LARP1: variants seen among roughly 807,000 people sequenced by gnomAD.
The protein encoded by LARP1 is La ribonucleoprotein 1, translational regulator.
In LARP1, 36 loss-of-function variants were observed where a neutral mutation model predicts 122.7. That is an observed-to-expected ratio of 0.29 (90% confidence interval 0.22 to 0.39). LARP1 has a LOEUF of 0.39. Ranked by LOEUF, LARP1 falls within the 10% of genes least tolerant of loss-of-function variation. The probability of loss-of-function intolerance (pLI) is 1.00; values close to 1 mark genes in which losing one functional copy is unlikely to be tolerated. For missense variants in LARP1, 1,040 were observed against 1,403.6 expected (o/e 0.74, Z 4.14); for synonymous variants, 539 against 528.7 (o/e 1.02, Z -0.27).
chr5:154,796,190 A>T lies in LARP1; in HGVS notation c.1377+871A>T, dbSNP rs933951314. 1.7e-3 allele frequency among the ~76,000 whole-genome samples: 224 copies of T among 129,872 alleles called. 1 individual carries two copies. The highest frequency in any genetic ancestry group is 1.4e-3 in the Non-Finnish European group (89 of 64,032). 85.2% of individuals were successfully genotyped at this position (129,872 alleles called of 152,430 possible). ...TATTTATATATTATATATATATTTT[A>T]TATATATATATAGTTTGTGAGAATC... On this transcript the variant is annotated intron_variant, in intron 8 of 18. Transcript: ENST00000518297.
At chr5:154,762,762 C>T (rs1754564988) in intron 1 of LARP1, among the ~76,000 whole-genome samples, 2 of 152,158 alleles carry the variant, frequency 1.3e-5, no homozygotes, top group Admixed American at 1.3e-4. Flanking sequence ...GTGGTAACCA[C>T]CTTACTCTCA....
intron 1 of LARP1, among the ~76,000 whole-genome samples, chr5:154,717,021 C>T (rs1042624301): frequency 6.7e-6 from 1 of 149,238 alleles, no homozygotes; most frequent in Non-Finnish European, 1.5e-5. Context: ...GATCAAGCTG[C>T]TGTACTCCAG....
At chr5:154,771,659 G>GC (rs777710850) in intron 1 of LARP1, among the ~76,000 whole-genome samples, 4 of 152,326 alleles carry the variant, frequency 2.6e-5, no homozygotes, top group Non-Finnish European at 4.4e-5. Flanking sequence ...CAGCCTAGAC[G>GC]CCTCAACTCT....
chr5:154,700,865 G>C (rs949477252), intron 1 of LARP1, among the ~76,000 whole-genome samples: 1 of 152,076 alleles, frequency 6.6e-6, no homozygotes, highest in African/African-American at 2.4e-5. Context: ...GCTGAGGCAG[G>C]AGAATCGCTT....
intron 1 of LARP1, among the ~76,000 whole-genome samples, chr5:154,771,154 G>A (rs1224695321): frequency 6.6e-6 from 1 of 151,634 alleles, no homozygotes; most frequent in African/African-American, 2.4e-5. Flanking sequence ...GTGCTGTCAA[G>A]TGCAGTGCTT....
intron 1 of LARP1, among the ~76,000 whole-genome samples, chr5:154,714,856 G>T (rs1211876198): frequency 1.3e-5 from 2 of 152,184 alleles, no homozygotes; most frequent in African/African-American, 2.4e-5. Context: ...GTGCGTATAC[G>T]CATGTGTGCA....
Position 154,803,257 on chromosome 5 carries a change from C to A in LARP1, c.2110-33C>A. 1.2e-6 allele frequency: 2 copies of A among 1,614,074 alleles called. No individual in the cohort carries two copies. Among genetic ancestry groups the A allele is most frequent in the Non-Finnish European group, 1.7e-6 (2 of 1,179,950 alleles). On this transcript the variant is annotated intron_variant, in intron 11 of 18. Transcript: ENST00000518297. The surrounding 1 kb of genome is among the most constrained non-coding windows in gnomAD (Gnocchi z 4.4). Reference sequence around the variant, plus strand: ...CAGGCTAGAGCAGCCTGCTTACTTACATCTTTCCCCACTCATCTCATGACC... The same window carrying A: ...CAGGCTAGAGCAGCCTGCTTACTTAAATCTTTCCCCACTCATCTCATGACC...
intron 1 of LARP1, among the ~76,000 whole-genome samples, chr5:154,726,184 A>G (rs1756206554): frequency 6.6e-6 from 1 of 152,188 alleles, no homozygotes; most frequent in African/African-American, 2.4e-5. Flanking sequence ...GCAACACCCT[A>G]GGAGTAGAGG....
chr5:154,792,830 G>T, intron 4 of LARP1, 34 bp downstream of exon 4: 1 of 1,606,074 alleles, frequency 6.2e-7, no homozygotes. Context: ...GGGAGAAGGT[G>T]GCAGGGTAGA....
intron 1 of LARP1, among the ~76,000 whole-genome samples, chr5:154,744,464 A>G (rs1003034551): frequency 1.3e-5 from 2 of 152,034 alleles, no homozygotes; most frequent in Non-Finnish European, 2.9e-5. Context: ...GCTCACTAGT[A>G]TTTGCTGGGC....
At chr5:154,693,733 G>GT (rs1754333766) in intron 1 of LARP1, among the ~76,000 whole-genome samples, 1 of 151,964 alleles carries the variant, frequency 6.6e-6, no homozygotes, top group Non-Finnish European at 1.5e-5. Flanking sequence ...GCGGGCTCCT[G>GT]TAGTCCCAGC....
intron 1 of LARP1, among the ~76,000 whole-genome samples, chr5:154,774,574 C>T (rs975519353): frequency 1.3e-5 from 2 of 152,186 alleles, no homozygotes; most frequent in African/African-American, 4.8e-5. Flanking sequence ...GTTGGTACTA[C>T]CTTTGGGAAG....
At position 154,755,702 on chromosome 5, in the gene LARP1, A is replaced by C; in HGVS notation, c.-56A>C. The C allele has an allele frequency of 2.0e-6, 2 of 987,234 alleles. No homozygotes were observed. Among genetic ancestry groups the C allele is most frequent in the Non-Finnish European group, 2.4e-6 (2 of 830,218 alleles). The allele number at this position is 987,234 out of a possible 1,614,324, so 61.2% of individuals were successfully genotyped here. A position where few individuals can be genotyped will look rare whatever the true frequency, so the allele number is the denominator to read the frequency against. Reference sequence around the variant, plus strand: ...GCGGGCGCTCTGCTAGCCAAGTTCGAGGCGGGGGAGGCAGCCTCGGGCGCG... The same window carrying C: ...GCGGGCGCTCTGCTAGCCAAGTTCGCGGCGGGGGAGGCAGCCTCGGGCGCG... On this transcript the variant is annotated 5_prime_UTR_variant, in exon 1 of 19. Coordinates refer to ENST00000518297, the MANE Select transcript of LARP1 (RefSeq NM_033551.3).
At chr5:154,701,276 C>T (rs980775094) in intron 1 of LARP1, among the ~76,000 whole-genome samples, 1 of 152,208 alleles carries the variant, frequency 6.6e-6, no homozygotes, top group Non-Finnish European at 1.5e-5. Flanking sequence ...CCCTCCAGAT[C>T]CTATCACTTC....
At chr5:154,699,590 A>C (rs1404682408) in intron 1 of LARP1, among the ~76,000 whole-genome samples, 1 of 152,208 alleles carries the variant, frequency 6.6e-6, no homozygotes, top group African/African-American at 2.4e-5. Context: ...ACACCGACCT[A>C]ACTAAAGAAT....
chr5:154,745,794 GTT>G (rs151281976), intron 1 of LARP1, among the ~76,000 whole-genome samples: 5 of 136,112 alleles, frequency 3.7e-5, no homozygotes, highest in African/African-American at 5.4e-5. Flanking sequence ...AAACCCAACT[GTT>G]TTTTTTTTTT....
At position 154,804,254 on chromosome 5, in the gene LARP1, T is replaced by C. The variant is rs368591288; in HGVS notation, c.2493T>C (p.His831=). ...GTTCAAACCCACCCTTGGAGAGCCA[T>C]GTGGGCTGGGTGATGGATTCCCGTG... ...RHSSNPPLES[H]VGWVMDSREH... Residue 831 remains histidine, a synonymous_variant, in exon 14 of 19, where the codon CAT becomes CAC. Coordinates refer to ENST00000518297, the MANE Select transcript of LARP1 (RefSeq NM_033551.3). 5 of 1,614,096 alleles carry C rather than the reference T, an allele frequency of 3.1e-6. No homozygotes were observed. The highest frequency in any genetic ancestry group is 1.7e-6 in the Non-Finnish European group (2 of 1,179,994).
rs1358182288 is a variant in LARP1, at chr5:154,817,017, C to T, written c.*2921C>T. On this transcript the variant is annotated 3_prime_UTR_variant, in exon 19 of 19. Coordinates refer to ENST00000518297, the MANE Select transcript of LARP1 (RefSeq NM_033551.3). ...GTTTTTGTTTTGTTCCATTGTAGCT[C>T]TTTTTTTTTTTTTTTCCCCTTTCCT... The T allele has an allele frequency of 2.1e-4, 29 of 139,946 alleles. No homozygotes were observed. Among genetic ancestry groups the T allele is most frequent in the Admixed American group, 3.6e-4 (5 of 13,886 alleles). 8.7% of individuals were successfully genotyped at this position (139,946 alleles called of 1,614,324 possible).
At chr5:154,744,704 C>T (rs2113478028) in intron 1 of LARP1, among the ~76,000 whole-genome samples, 1 of 109,270 alleles carries the variant, frequency 9.2e-6, no homozygotes, top group East Asian at 2.9e-4. Flanking sequence ...GTGGCGGGAT[C>T]TCGGCTCACT....
Sources: allele counts gnomAD v4.1 joint callset (sites outside exome capture counted in the v4.1 genomes callset), GRCh38; gene constraint gnomAD v4.1.1; non-coding constraint Gnocchi (gnomAD v3.1); transcripts MANE v1.5; gene names NCBI Gene and HGNC (gene_info 2026-07-23, HGNC 2026-07-21).